Variants in OSBPL3 observed in about 807,000 individuals in gnomAD.
The protein encoded by OSBPL3 is oxysterol binding protein like 3.
Under a neutral mutation model 120.1 loss-of-function variants are expected in OSBPL3, and 65 were observed. That is an observed-to-expected ratio of 0.54 (90% CI 0.44 to 0.67). The LOEUF is 0.67. Among genes scored for constraint, OSBPL3 ranks in the 30% least tolerant of loss-of-function variants. The pLI is 0.00. For synonymous variants in OSBPL3, 416 were observed against 402.6 expected, an observed-to-expected ratio of 1.03 and a Z score of -0.40; for missense variants, 1,004 against 1,082.1, an observed-to-expected ratio of 0.93 and a Z score of 1.01.
intron 1 of OSBPL3, among the ~76,000 whole-genome samples, chr7:24,920,988 G>A (rs1304242753): frequency 6.6e-6 from 1 of 152,142 alleles, no homozygotes; most frequent in Non-Finnish European, 1.5e-5. Context: ...GGTCTTCTAA[G>A]ATCCCAAAGG....
rs931839343 is a variant in OSBPL3 at position 24,883,433 on chromosome 7, A to G, written c.96+8944T>C. Among the ~76,000 whole-genome samples, 1 of 152,160 alleles carries G rather than the reference A, an allele frequency of 6.6e-6. No individual in the cohort carries two copies. The highest frequency in any genetic ancestry group is 2.4e-5 in the African/African-American group (1 of 41,432). On this transcript the variant is annotated intron_variant, in intron 2 of 22. Coordinates refer to ENST00000313367, the MANE Select transcript of OSBPL3 (RefSeq NM_015550.4). This position sits in a 1 kb window ranked among gnomAD's most constrained non-coding sequence, Gnocchi z 5.4. ...TATTGAATCGGTCAGCTCAGTTCACATTTGCATCAATAGCTTCTTGAGAAC... is the reference window on the plus strand; with the variant it reads ...TATTGAATCGGTCAGCTCAGTTCACGTTTGCATCAATAGCTTCTTGAGAAC...
chr7:24,801,243 CAAAAA>C (rs397976980), intron 22 of OSBPL3, among the ~76,000 whole-genome samples: 2 of 73,984 alleles, frequency 2.7e-5, no homozygotes, highest in African/African-American at 9.7e-5. Context: ...GACTCCTTCT[CAAAAA>C]AAAAAAAAAA....
rs763595728 is a variant in OSBPL3 at position 24,892,377 on chromosome 7, C to T, written c.96G>A (p.Gln32=). The change falls in exon 2 of 23, where the codon CAG becomes CAA. Residue 32 remains glutamine, a splice_region_variant and synonymous_variant. Coordinates refer to ENST00000313367, the MANE Select transcript of OSBPL3 (RefSeq NM_015550.4). The stretch of plus-strand genomic sequence containing the variant: ...AAAATTTGCATGAGTTAAACTTTAC[C>T]TGTCGACTTCCTTGCTTGGAAGAGC... ...SSCSSKQGSR[Q]DSWEVVEGLR... The T allele has an allele frequency of 5.0e-6, 8 of 1,612,976 alleles. No homozygotes were observed. Among genetic ancestry groups the T allele is most frequent in the African/African-American group, 1.3e-5 (1 of 75,050 alleles).
In OSBPL3 at chr7:24,862,179, C is replaced by A. The variant is rs1800659092; in HGVS notation, c.871-410G>T. The stretch of plus-strand genomic sequence containing the variant: ...GGGATTACAGGCGTGAGCCACCGCG[C>A]CCAGCCTAGGTAGGTCTTTCTACTG... On this transcript the variant is annotated intron_variant, in intron 9 of 22. Coordinates refer to ENST00000313367, the MANE Select transcript of OSBPL3 (RefSeq NM_015550.4). This position sits in a 1 kb window ranked among gnomAD's most constrained non-coding sequence, Gnocchi z 4.4. Among the ~76,000 whole-genome samples, 1 of 152,208 alleles carries A rather than the reference C, an allele frequency of 6.6e-6. No homozygotes were observed. Among genetic ancestry groups the A allele is most frequent in the African/African-American group, 2.4e-5 (1 of 41,454 alleles).
In OSBPL3 at chr7:24,952,859, T is replaced by C. The variant is rs1814601876; in HGVS notation, c.-150+27027A>G. On this transcript the variant is annotated intron_variant, in intron 1 of 22. Coordinates refer to ENST00000313367, the MANE Select transcript of OSBPL3 (RefSeq NM_015550.4). This position sits in a 1 kb window ranked among gnomAD's most constrained non-coding sequence, Gnocchi z 4.4. ...CCTCCCCAATCTCATTTAAAATAACTCTGGGATGGCCAATGCCTGTAATCT... is the reference window on the plus strand; with the variant it reads ...CCTCCCCAATCTCATTTAAAATAACCCTGGGATGGCCAATGCCTGTAATCT... 6.6e-6 allele frequency among the ~76,000 whole-genome samples: 1 copy of C among 152,032 alleles called. No individual in the cohort carries two copies. Among genetic ancestry groups the C allele is most frequent in the Non-Finnish European group, 1.5e-5 (1 of 67,996 alleles).
In OSBPL3 at chr7:24,872,123, T is replaced by C. The variant is rs1802207999; in HGVS notation, c.97-54A>G. ...TGTCTATCTTTTTGAAAAATAATAA[T>C]GGTAAAAAGCACTGCATCCTGTCAG... On this transcript the variant is annotated intron_variant, in intron 2 of 22. Transcript: ENST00000313367. The surrounding 1 kb of genome is among the most constrained non-coding windows in gnomAD (Gnocchi z 4.1). The C allele has an allele frequency of 8.0e-7, 1 of 1,245,598 alleles. No homozygotes were observed. The highest frequency in any genetic ancestry group is 2.3e-5 in the East Asian group (1 of 43,086). 77.2% of individuals were successfully genotyped at this position (1,245,598 alleles called of 1,614,324 possible).
At chr7:24,910,381 TC>T (rs999643785) in intron 1 of OSBPL3, among the ~76,000 whole-genome samples, 21 of 152,252 alleles carry the variant, frequency 1.4e-4, no homozygotes, top group East Asian at 1.2e-3. Context: ...GGCTGAGTTT[TC>T]CTCCTCCTTC....
chr7:24,944,447 C>T (rs541397772), intron 1 of OSBPL3, among the ~76,000 whole-genome samples: 10 of 151,956 alleles, frequency 6.6e-5, no homozygotes, highest in Middle Eastern at 6.8e-3. Flanking sequence ...ACCAACATGG[C>T]GAAACCCCGT....
Position 24,912,574 on chromosome 7 carries a change from C to G in OSBPL3, c.-149-19953G>C, listed in dbSNP as rs1355070930. On this transcript the variant is annotated intron_variant, in intron 1 of 22. Coordinates refer to ENST00000313367, the MANE Select transcript of OSBPL3 (RefSeq NM_015550.4). This position sits in a 1 kb window ranked among gnomAD's most constrained non-coding sequence, Gnocchi z 4.5. ...CCTCACACCCAAAGACAGAACAGCC[C>G]CAGCACAGAACAATGACAATCATAG... 6.6e-6 allele frequency among the ~76,000 whole-genome samples: 1 copy of G among 152,258 alleles called. No homozygotes were observed. The highest frequency in any genetic ancestry group is 6.5e-5 in the Admixed American group (1 of 15,300).
intron 16 of OSBPL3, among the ~76,000 whole-genome samples, chr7:24,828,621 A>AG (rs1554349953): frequency 2.0e-5 from 2 of 99,850 alleles, no homozygotes; most frequent in East Asian, 2.4e-4. Flanking sequence ...AAAAAAAAAA[A>AG]GAAAAAAAAA....
Position 24,944,090 on chromosome 7 carries a change from A to AG in OSBPL3, c.-150+35795_-150+35796insC, listed in dbSNP as rs1215601716. On this transcript the variant is annotated intron_variant, in intron 1 of 22. Coordinates refer to ENST00000313367, the MANE Select transcript of OSBPL3 (RefSeq NM_015550.4). The stretch of plus-strand genomic sequence containing the variant: ...CCAGTCTAAAGTAAAAAAAAAAAAA[A>AG]AAAAAAAATTAAGAAAACATTTTTA... Among the ~76,000 whole-genome samples the AG allele has an allele frequency of 2.6e-5, 4 of 151,788 alleles. No individual in the cohort carries two copies. The East Asian group carries it at 5.8e-4, about 22-fold the overall frequency.
chr7:24,807,284 G>A (rs1045511914), intron 20 of OSBPL3, among the ~76,000 whole-genome samples: 2 of 135,794 alleles, frequency 1.5e-5, no homozygotes, highest in Non-Finnish European at 3.2e-5. Context: ...CCTGAGGTCA[G>A]GAGTTCGAGA....
intron 1 of OSBPL3, among the ~76,000 whole-genome samples, chr7:24,927,245 A>G (rs1353640647): frequency 1.3e-5 from 2 of 152,226 alleles, no homozygotes; most frequent in African/African-American, 2.4e-5. Context: ...AAACGAAGAT[A>G]TATTTTATGT....
intron 1 of OSBPL3, among the ~76,000 whole-genome samples, chr7:24,969,530 G>A (rs74384468): frequency 0.033 from 4,972 of 152,044 alleles, 137 homozygotes; most frequent in Non-Finnish European, 0.053. Context: ...TATCTAGAAA[G>A]GATTTTTCAT....
In OSBPL3 at chr7:24,891,242, C is replaced by A. The variant is rs1245675690; in HGVS notation, c.96+1135G>T. Among the ~76,000 whole-genome samples, 1 of 151,570 alleles carries A rather than the reference C, an allele frequency of 6.6e-6. No individual in the cohort carries two copies. Among genetic ancestry groups the A allele is most frequent in the Middle Eastern group, 3.2e-3 (1 of 314 alleles). On this transcript the variant is annotated intron_variant, in intron 2 of 22. Coordinates refer to ENST00000313367, the MANE Select transcript of OSBPL3 (RefSeq NM_015550.4). The surrounding 1 kb of genome is among the most constrained non-coding windows in gnomAD (Gnocchi z 4.1). The stretch of plus-strand genomic sequence containing the variant: ...TTTTTTTTTTAATTCCAGAAGGAAC[C>A]GATGACAGTGCTGACAAAATTCTCC...
rs1436928802 is a variant in OSBPL3, at chr7:24,979,997, G to A, written c.-261C>T. 2 of 985,238 alleles carry A rather than the reference G, an allele frequency of 2.0e-6. No homozygotes were observed. The highest frequency in any genetic ancestry group is 2.4e-6 in the Non-Finnish European group (2 of 829,964). 61.0% of individuals were successfully genotyped at this position (985,238 alleles called of 1,614,324 possible). The stretch of plus-strand genomic sequence containing the variant: ...GGCTTCTCCGGTACCCCCGCAACGT[G>A]CAGCTGACAGCTCCCGCACCGGCCG... On this transcript the variant is annotated 5_prime_UTR_variant, in exon 1 of 23. Transcript: ENST00000313367.
In OSBPL3 at chr7:24,833,613, T is replaced by A. The variant is rs571042251; in HGVS notation, c.1746+873A>T. Among the ~76,000 whole-genome samples, 1 of 152,190 alleles carries A rather than the reference T, an allele frequency of 6.6e-6. No individual in the cohort carries two copies. The highest frequency in any genetic ancestry group is 6.5e-5 in the Admixed American group (1 of 15,286). ...GGCACTCCAATTCCAATGTAGCCAA[T>A]TGGCAAATGCCCAGGAGAGAGACTC... On this transcript the variant is annotated intron_variant, in intron 15 of 22. Transcript: ENST00000313367. The surrounding 1 kb of genome is among the most constrained non-coding windows in gnomAD (Gnocchi z 4.4).
At chr7:24,847,175 AAT>A (rs1490875151) in intron 12 of OSBPL3, among the ~76,000 whole-genome samples, 1 of 152,192 alleles carries the variant, frequency 6.6e-6, no homozygotes, top group African/African-American at 2.4e-5. Flanking sequence ...GTCATTTCCC[AAT>A]AGAGTACCAG....
chr7:24,826,196 A>G (rs1388992288), intron 16 of OSBPL3, among the ~76,000 whole-genome samples: 1 of 152,184 alleles, frequency 6.6e-6, no homozygotes, highest in Non-Finnish European at 1.5e-5. Flanking sequence ...AACAGTAAGG[A>G]AAGAAGGGAA....
Sources: allele counts gnomAD v4.1 joint callset (sites outside exome capture counted in the v4.1 genomes callset), GRCh38; gene constraint gnomAD v4.1.1; non-coding constraint Gnocchi (gnomAD v3.1); transcripts MANE v1.5; gene names NCBI Gene and HGNC (gene_info 2026-07-23, HGNC 2026-07-21).